The following MED13L variants were observed in gnomAD, a reference collection of about 807,000 sequenced individuals.
MED13L encodes mediator complex subunit 13L.
Under a neutral mutation model 220.9 loss-of-function variants are expected in MED13L, and 7 were observed. That is an observed-to-expected ratio of 0.03 (90% CI 0.02 to 0.06). The LOEUF is 0.06. MED13L is among the 10% of genes least tolerant of loss of function. The pLI is 1.00. For synonymous variants in MED13L, 1,011 were observed against 1,015.2 expected (o/e 1.00, Z 0.08); for missense variants, 1,965 against 2,760.5 (o/e 0.71, Z 6.46).
chr12:116,241,626 A>G (rs1870664957), intron 1 of MED13L, among the ~76,000 whole-genome samples: 2 of 152,210 alleles, frequency 1.3e-5, no homozygotes, highest in South Asian at 4.1e-4. Flanking sequence ...GGCAAAGGGA[A>G]GCTGCTACCA....
chr12:116,238,447 G>C (rs979130419), intron 1 of MED13L, among the ~76,000 whole-genome samples: 1 of 152,050 alleles, frequency 6.6e-6, no homozygotes, highest in Non-Finnish European at 1.5e-5. Context: ...TAAATCTTAA[G>C]TTAAGAGCTA....
At chr12:116,072,966 A>G (rs1011685880) in intron 4 of MED13L, among the ~76,000 whole-genome samples, 1 of 152,230 alleles carries the variant, frequency 6.6e-6, no homozygotes, top group Non-Finnish European at 1.5e-5. Flanking sequence ...TAGGAATTTG[A>G]ATTAAAACTT....
At chr12:116,063,552 T>C (rs1450510238) in intron 4 of MED13L, among the ~76,000 whole-genome samples, 1 of 152,110 alleles carries the variant, frequency 6.6e-6, no homozygotes, top group East Asian at 1.9e-4. Flanking sequence ...AAAGCATTGT[T>C]TGGATATCTA....
chr12:116,051,568 G>C (rs1264680402), intron 4 of MED13L, among the ~76,000 whole-genome samples: 3 of 151,998 alleles, frequency 2.0e-5, no homozygotes, highest in African/African-American at 7.3e-5. Context: ...GAAGAATATC[G>C]GATTTCAAAC....
chr12:116,132,108 G>A (rs1361999470), intron 2 of MED13L, among the ~76,000 whole-genome samples: 5 of 151,768 alleles, frequency 3.3e-5, no homozygotes, highest in East Asian at 3.9e-4. Context: ...GTGAAACCCC[G>A]TCTCTACAAA....
intron 7 of MED13L, among the ~76,000 whole-genome samples, chr12:116,018,547 G>A (rs1879866891): frequency 6.6e-6 from 1 of 151,956 alleles, no homozygotes; most frequent in Non-Finnish European, 1.5e-5. Flanking sequence ...TTTCCATACT[G>A]ACCACAGTTC....
rs565323387 is a variant in MED13L, at chr12:116,017,025, C to T, written c.1010-1751G>A. On this transcript the variant is annotated intron_variant, in intron 7 of 30. Coordinates refer to ENST00000281928, the MANE Select transcript of MED13L (RefSeq NM_015335.5). ...ACTCTCTGATACAGCATTAAGACTCCTAACCTGTAATTCAACATCCTATGA... is the reference window on the plus strand; with the variant it reads ...ACTCTCTGATACAGCATTAAGACTCTTAACCTGTAATTCAACATCCTATGA... Among the ~76,000 whole-genome samples the T allele has an allele frequency of 4.6e-5, 7 of 152,264 alleles. No homozygotes were observed. The East Asian group carries it at 1.2e-3, about 25-fold the overall frequency.
chr12:116,042,004 G>A (rs1390982494), intron 4 of MED13L, among the ~76,000 whole-genome samples: 1 of 152,156 alleles, frequency 6.6e-6, no homozygotes, highest in Admixed American at 6.5e-5. Context: ...TTATACTCAA[G>A]TACACCATGC....
chr12:115,981,148 T>A (rs933514695), intron 22 of MED13L, among the ~76,000 whole-genome samples: 10 of 152,292 alleles, frequency 6.6e-5, no homozygotes, highest in African/African-American at 1.9e-4. Context: ...TCACCAGCAA[T>A]TTCAAAAGAT....
intron 2 of MED13L, among the ~76,000 whole-genome samples, chr12:116,206,074 C>CTTTTT (rs1160337465): frequency 9.2e-4 from 80 of 87,196 alleles, no homozygotes; most frequent in East Asian, 1.1e-3. Flanking sequence ...GTATTATTAC[C>CTTTTT]TTTTTTTTTT....
chr12:116,181,670 T>A (rs113824305), intron 2 of MED13L, among the ~76,000 whole-genome samples: 40 of 152,112 alleles, frequency 2.6e-4, no homozygotes, highest in African/African-American at 8.2e-4. Context: ...CCCGGCTAAT[T>A]TTTTCTGTAG....
chr12:116,256,936 A>G (rs1370551293), intron 1 of MED13L, among the ~76,000 whole-genome samples: 1 of 152,162 alleles, frequency 6.6e-6, no homozygotes, highest in African/African-American at 2.4e-5. Context: ...CGGCCTCCCA[A>G]AGTGCTGGGA....
At chr12:116,175,904 G>A (rs1880025765) in intron 2 of MED13L, among the ~76,000 whole-genome samples, 1 of 152,194 alleles carries the variant, frequency 6.6e-6, no homozygotes, top group Non-Finnish European at 1.5e-5. Context: ...TGTCAAATAT[G>A]AGATGGTGAA....
At chr12:116,042,742 A>C (rs1042387799) in intron 4 of MED13L, among the ~76,000 whole-genome samples, 2 of 152,228 alleles carry the variant, frequency 1.3e-5, no homozygotes, top group Non-Finnish European at 2.9e-5. Context: ...TCTCCCTGGA[A>C]AGGACAGATG....
At position 115,968,975 on chromosome 12, in the gene MED13L, CAGA is replaced by C. The variant is rs757215844; in HGVS notation, c.6187_6189del (p.Ser2063del). On this transcript the variant is annotated inframe_deletion, in exon 28 of 31. Transcript: ENST00000281928. ...TGGAAGTGAGAGCCCACACCAATTC[CAGA>C]AGGAGAGCCTGGGGAGGGTACTGGG... 7 of 1,614,090 alleles carry C rather than the reference CAGA, an allele frequency of 4.3e-6. No homozygotes were observed. Among genetic ancestry groups the C allele is most frequent in the Admixed American group, 1.7e-5 (1 of 60,014 alleles).
In MED13L at chr12:115,971,932, G is replaced by A. The variant is rs114255018; in HGVS notation, c.5890+146C>T. Reference sequence around the variant, plus strand: ...CAAACCACTCCGCATGGAAGGTATCGAATGTTTTCCATCTTTAAGCCCCAA... The same window carrying A: ...CAAACCACTCCGCATGGAAGGTATCAAATGTTTTCCATCTTTAAGCCCCAA... On this transcript the variant is annotated intron_variant, in intron 26 of 30. Transcript: ENST00000281928. 1.1e-3 allele frequency: 1,020 copies of A among 967,316 alleles called. 8 individuals carry two copies. The African/African-American group carries it at 0.015, about 14-fold the overall frequency. The allele number at this position is 967,316 out of a possible 1,614,324, so 59.9% of individuals were successfully genotyped here. A position where few individuals can be genotyped will look rare whatever the true frequency, so the allele number is the denominator to read the frequency against.
chr12:116,156,100 C>G (rs961049639), intron 2 of MED13L, among the ~76,000 whole-genome samples: 2 of 151,910 alleles, frequency 1.3e-5, no homozygotes, highest in Admixed American at 6.6e-5. Flanking sequence ...ATGCTATTAT[C>G]GTAAATAACT....
intron 2 of MED13L, chr12:116,181,425 T>C (rs1245101793): frequency 6.6e-6 from 1 of 152,218 alleles, no homozygotes. Flanking sequence ...AACTGGAATC[T>C]GGTACTGGCA....
At chr12:116,014,793 C>T (rs1879623530) in intron 8 of MED13L, among the ~76,000 whole-genome samples, 1 of 152,134 alleles carries the variant, frequency 6.6e-6, no homozygotes, top group Non-Finnish European at 1.5e-5. Context: ...AAAAACCAAA[C>T]CCACTGGTTG....
Sources: gnomAD v4.1 joint callset for allele counts (sites outside exome capture counted in the v4.1 genomes callset) on GRCh38, gnomAD v4.1.1 for gene constraint, MANE v1.5 for transcripts, NCBI Gene and HGNC (gene_info 2026-07-23, HGNC 2026-07-21) for gene names.